The following EHBP1 variants were observed in gnomAD, a reference collection of about 807,000 sequenced individuals.
EHBP1 encodes EH domain binding protein 1.
Under a neutral mutation model 144.0 loss-of-function variants are expected in EHBP1, and 55 were observed. The ratio of observed to expected loss-of-function variants is 0.38; its 90% CI spans 0.31 to 0.48. The LOEUF is 0.48. Among genes scored for constraint, EHBP1 ranks in the 20% least tolerant of loss-of-function variants. The pLI, the probability that EHBP1 is intolerant of heterozygous loss-of-function variation, is 0.98. For synonymous variants in EHBP1, 469 were observed against 472.7 expected, an observed-to-expected ratio of 0.99 and a Z score of 0.10; for missense variants, 1,200 against 1,364.2, an observed-to-expected ratio of 0.88 and a Z score of 1.90.
Position 62,902,212 on chromosome 2 carries a change from G to A in EHBP1, c.1185+27680G>A, listed in dbSNP as rs561169245. Among the ~76,000 whole-genome samples the A allele has an allele frequency of 2.0e-5, 3 of 152,196 alleles. No individual in the cohort carries two copies. The East Asian group carries it at 5.8e-4, about 29-fold the overall frequency. On this transcript the variant is annotated intron_variant, in intron 10 of 22. Transcript: ENST00000431489. Reference sequence around the variant, plus strand: ...ATTTGTTGAATTCAGGATGACCTATGCATGAATAAATACGATTAAGGTATG... The same window carrying A: ...ATTTGTTGAATTCAGGATGACCTATACATGAATAAATACGATTAAGGTATG...
At chr2:62,752,593 A>G (rs539251907) in intron 3 of EHBP1, among the ~76,000 whole-genome samples, 3 of 152,110 alleles carry the variant, frequency 2.0e-5, no homozygotes, top group Non-Finnish European at 2.9e-5. Context: ...GAAGTCTCCC[A>G]TTATTATTGT....
intron 2 of EHBP1, among the ~76,000 whole-genome samples, chr2:62,745,914 C>A (rs977178708): frequency 1.3e-5 from 2 of 151,980 alleles, no homozygotes. Context: ...GTTGGTGGTA[C>A]CTTCAATTTA....
chr2:62,903,819 T>C (rs915889780), intron 10 of EHBP1, among the ~76,000 whole-genome samples: 1 of 151,858 alleles, frequency 6.6e-6, no homozygotes, highest in Non-Finnish European at 1.5e-5. Flanking sequence ...AAGAAACATA[T>C]TGAGTGAAAA....
chr2:62,807,994 GA>G (rs2044646553), intron 5 of EHBP1, among the ~76,000 whole-genome samples: 1 of 151,688 alleles, frequency 6.6e-6, no homozygotes, highest in Admixed American at 6.6e-5. Flanking sequence ...GCTGAAGTGG[GA>G]GATCACTTGG....
intron 4 of EHBP1, among the ~76,000 whole-genome samples, chr2:62,767,168 G>A (rs1262223142): frequency 7.9e-5 from 12 of 151,964 alleles, no homozygotes; most frequent in African/African-American, 2.2e-4. Flanking sequence ...TGAAGAAAAC[G>A]TTGCCGCTAG....
chr2:62,843,763 T>C (rs2048092837), intron 7 of EHBP1, among the ~76,000 whole-genome samples: 1 of 152,160 alleles, frequency 6.6e-6, no homozygotes, highest in Non-Finnish European at 1.5e-5. Flanking sequence ...AAAAGGTTTA[T>C]TGAAATTTAA....
chr2:62,942,991 T>G (rs2056849727), intron 11 of EHBP1, 95 bp downstream of exon 11: 1 of 979,368 alleles, frequency 1.0e-6, no homozygotes, highest in African/African-American at 1.7e-5. Context: ...CTGAAATAAT[T>G]TATATTTGTT....
At chr2:63,015,622 C>T (rs999664702) in intron 19 of EHBP1, among the ~76,000 whole-genome samples, 2 of 152,068 alleles carry the variant, frequency 1.3e-5, no homozygotes, top group African/African-American at 4.8e-5. Context: ...GCTGGGACTA[C>T]AGGCAAGTGC....
chr2:62,721,376 A>G (rs1372517894), intron 2 of EHBP1, among the ~76,000 whole-genome samples: 1 of 152,180 alleles, frequency 6.6e-6, no homozygotes, highest in Admixed American at 6.5e-5. Flanking sequence ...ATTCACCTTG[A>G]TCACTTAGTC....
intron 19 of EHBP1, among the ~76,000 whole-genome samples, chr2:63,003,392 G>C (rs2059921150): frequency 6.6e-6 from 1 of 152,010 alleles, no homozygotes; most frequent in Admixed American, 6.6e-5. Flanking sequence ...AGTAATTGGG[G>C]TGGTTAATTT....
intron 5 of EHBP1, among the ~76,000 whole-genome samples, chr2:62,809,107 A>G (rs527903370): frequency 9.2e-5 from 14 of 152,252 alleles, no homozygotes; most frequent in African/African-American, 2.2e-4. Context: ...CCTGACCAGC[A>G]TGGTGAAACC....
At chr2:62,762,693 T>G (rs1242541593) in intron 3 of EHBP1, among the ~76,000 whole-genome samples, 1 of 152,180 alleles carries the variant, frequency 6.6e-6, no homozygotes, top group African/African-American at 2.4e-5. Context: ...AGAATCTGGC[T>G]CCTTTGTACC....
intron 19 of EHBP1, among the ~76,000 whole-genome samples, chr2:63,012,162 C>T (rs1203382520): frequency 6.6e-6 from 1 of 151,704 alleles, no homozygotes. Context: ...ATTTCATGCT[C>T]TAATATAATA....
intron 3 of EHBP1, 27 bp from the exon 4 acceptor site, chr2:62,764,239 T>G: frequency 2.7e-6 from 4 of 1,470,964 alleles, no homozygotes; most frequent in Non-Finnish European, 2.7e-6. Flanking sequence ...ATACTTCATA[T>G]TGAAGGTATC....
intron 1 of EHBP1, among the ~76,000 whole-genome samples, chr2:62,678,404 T>A (rs10170499): frequency 0.38 from 58,031 of 152,036 alleles, 11,512 homozygotes; most frequent in Middle Eastern, 0.49. Flanking sequence ...GATGAGTAGT[T>A]TGCAAATCTT....
chr2:62,845,749 A>G (rs2048249517), intron 7 of EHBP1, among the ~76,000 whole-genome samples: 1 of 151,908 alleles, frequency 6.6e-6, no homozygotes, highest in Admixed American at 6.6e-5. Flanking sequence ...CTGTAGTCCC[A>G]GCTACTTGGA....
intron 7 of EHBP1, among the ~76,000 whole-genome samples, chr2:62,833,366 G>A (rs2046965010): frequency 6.6e-6 from 1 of 152,200 alleles, no homozygotes; most frequent in South Asian, 2.1e-4. Flanking sequence ...GATGAAGCTG[G>A]CTACATTAAA....
At chr2:62,738,980 T>G (rs1215788654) in intron 2 of EHBP1, among the ~76,000 whole-genome samples, 5 of 152,230 alleles carry the variant, frequency 3.3e-5, no homozygotes, top group African/African-American at 1.2e-4. Context: ...AGAGGGAGAC[T>G]GTACAAAGCT....
chr2:62,720,934 A>G (rs2036166438), intron 2 of EHBP1, among the ~76,000 whole-genome samples: 2 of 152,224 alleles, frequency 1.3e-5, no homozygotes, highest in South Asian at 2.1e-4. Flanking sequence ...CTTACATATC[A>G]CATCACCCAG....
Sources: gnomAD v4.1 joint callset for allele counts (sites outside exome capture counted in the v4.1 genomes callset) on GRCh38, gnomAD v4.1.1 for gene constraint, MANE v1.5 for transcripts, NCBI Gene and HGNC (gene_info 2026-07-23, HGNC 2026-07-21) for gene names.